The following ASIP variants were observed in gnomAD, a reference collection of about 807,000 sequenced individuals.
The protein encoded by ASIP is agouti-signaling protein.
A neutral mutation model predicts 10.3 loss-of-function variants in ASIP; 11 were observed. The observed-to-expected ratio is 1.07, with a 90% CI of 0.68 to 1.78. The LOEUF (loss-of-function observed/expected upper bound fraction) is 1.78, where lower values mean the gene tolerates loss of function less well. Among genes scored for constraint, ASIP ranks in the 40% most tolerant of loss-of-function variants. ASIP has a pLI of 0.00. For missense variants in ASIP, 180 were observed against 169.2 expected, an observed-to-expected ratio of 1.06 and a Z score of -0.35; for synonymous variants, 70 against 70.8, an observed-to-expected ratio of 0.99 and a Z score of 0.06.
intron 1 of ASIP, among the ~76,000 whole-genome samples, chr20:34,202,219 T>C (rs887062097): frequency 1.2e-4 from 18 of 152,234 alleles, no homozygotes; most frequent in Admixed American, 1.1e-3. Context: ...AATGGAAATA[T>C]TCGATACCTG....
intron 1 of ASIP, among the ~76,000 whole-genome samples, chr20:34,199,446 A>G (rs1340378291): frequency 1.3e-5 from 2 of 152,034 alleles, no homozygotes; most frequent in African/African-American, 4.8e-5. Context: ...AATGTCTGAG[A>G]TTTGTTTTTT....
upstream of ASIP, among the ~76,000 whole-genome samples, chr20:34,189,994 C>A (rs73261690): frequency 6.6e-6 from 1 of 152,172 alleles, no homozygotes; most frequent in Non-Finnish European, 1.5e-5. Flanking sequence ...GATAAGCTCC[C>A]GCTGCAGAGC....
intron 1 of ASIP, among the ~76,000 whole-genome samples, chr20:34,204,501 G>A (rs548706831): frequency 5.3e-5 from 8 of 152,278 alleles, no homozygotes; most frequent in Non-Finnish European, 1.0e-4. Context: ...TTACAGGTGT[G>A]AGCCACTGCT....
At chr20:34,238,978 G>A (rs934798680), upstream of ASIP, among the ~76,000 whole-genome samples, 1 of 152,058 alleles carries the variant, frequency 6.6e-6, no homozygotes, top group Non-Finnish European at 1.5e-5. Context: ...GTTTTGGTTA[G>A]GTAAGGAAAC....
At chr20:34,215,347 T>C in intron 1 of ASIP, 1 of 1,573,808 alleles carries the variant, frequency 6.4e-7, no homozygotes, top group Non-Finnish European at 8.7e-7. Flanking sequence ...TTCCACCAGA[T>C]TTGGAATGCA....
At chr20:34,236,036 A>G (rs1328951642) in intron 1 of ASIP, among the ~76,000 whole-genome samples, 2 of 142,440 alleles carry the variant, frequency 1.4e-5, no homozygotes, top group South Asian at 2.3e-4. Flanking sequence ...AAGAAAGAGA[A>G]AGAAACAGAA....
At chr20:34,206,716 C>T (rs1257333190) in intron 1 of ASIP, among the ~76,000 whole-genome samples, 1 of 152,118 alleles carries the variant, frequency 6.6e-6, no homozygotes, top group Non-Finnish European at 1.5e-5. Context: ...GTAGCTGGGA[C>T]TACAGGTGCA....
chr20:34,268,768 A>G (rs1370146951), intron 3 of ASIP, among the ~76,000 whole-genome samples: 1 of 150,308 alleles, frequency 6.7e-6, no homozygotes, highest in Non-Finnish European at 1.5e-5. Context: ...CAAAAAAAAC[A>G]CAAACTAGGG....
Position 34,269,207 on chromosome 20 carries a change from G to A in ASIP, c.*40G>A. 1 of 1,446,276 alleles carries A rather than the reference G, an allele frequency of 6.9e-7. No homozygotes were observed. Among genetic ancestry groups the A allele is most frequent in the Non-Finnish European group, 9.1e-7 (1 of 1,103,108 alleles). 89.6% of individuals were successfully genotyped at this position (1,446,276 alleles called of 1,614,324 possible). A position where few individuals can be genotyped will look rare whatever the true frequency, so the allele number is the denominator to read the frequency against. Reference sequence around the variant, plus strand: ...GGCCGCGAGCAGGCAGGGCTTCGGGGACGCGGGGCGCTTCTCGGGCGGGTG... The same window carrying A: ...GGCCGCGAGCAGGCAGGGCTTCGGGAACGCGGGGCGCTTCTCGGGCGGGTG... On this transcript the variant is annotated 3_prime_UTR_variant, in exon 4 of 4. Coordinates refer to ENST00000374954, the MANE Select transcript of ASIP (RefSeq NM_001672.3).
intron 1 of ASIP, among the ~76,000 whole-genome samples, chr20:34,254,610 C>G (rs1407799965): frequency 1.3e-5 from 2 of 152,150 alleles, no homozygotes; most frequent in Non-Finnish European, 2.9e-5. Context: ...ATTCATCCTG[C>G]CTATTATGAA....
intron 1 of ASIP, among the ~76,000 whole-genome samples, chr20:34,209,468 C>T (rs1222088033): frequency 1.3e-5 from 2 of 152,218 alleles, no homozygotes; most frequent in African/African-American, 4.8e-5. Context: ...CCACCCAAGT[C>T]ACAGCTGCAG....
intron 1 of ASIP, among the ~76,000 whole-genome samples, chr20:34,220,576 CA>C (rs1312152168): frequency 3.4e-5 from 5 of 148,374 alleles, no homozygotes; most frequent in African/African-American, 1.3e-4. Flanking sequence ...GCCTGGATGA[CA>C]GGGCGAGACC....
chr20:34,197,631 T>C (rs1221602665), intron 1 of ASIP, among the ~76,000 whole-genome samples: 2 of 152,214 alleles, frequency 1.3e-5, no homozygotes, highest in African/African-American at 2.4e-5. Context: ...AGCAGATACC[T>C]AGTCCTTGGC....
intron 1 of ASIP, among the ~76,000 whole-genome samples, chr20:34,200,872 T>C (rs1164462914): frequency 6.6e-6 from 1 of 152,180 alleles, no homozygotes; most frequent in African/African-American, 2.4e-5. Flanking sequence ...CTTTTACATT[T>C]GGACACATAG....
intron 1 of ASIP, chr20:34,194,824 C>T (rs2034844459): frequency 6.6e-6 from 1 of 152,210 alleles, no homozygotes; most frequent in Non-Finnish European, 1.5e-5. Context: ...TGGTACAGTA[C>T]AATATCTATG....
intron 3 of ASIP, among the ~76,000 whole-genome samples, chr20:34,266,609 G>A (rs1043507380): frequency 6.7e-6 from 1 of 148,692 alleles, no homozygotes; most frequent in Non-Finnish European, 1.5e-5. Flanking sequence ...GGAGATGAAG[G>A]TTGCAGTGAG....
At chr20:34,225,743 T>C (rs1378673266) in intron 1 of ASIP, among the ~76,000 whole-genome samples, 1 of 152,186 alleles carries the variant, frequency 6.6e-6, no homozygotes, top group Non-Finnish European at 1.5e-5. Context: ...TAAGTTCTCA[T>C]AATTGCTTGA....
chr20:34,193,042 T>C (rs2034834282), upstream of ASIP, among the ~76,000 whole-genome samples: 2 of 152,230 alleles, frequency 1.3e-5, no homozygotes, highest in African/African-American at 2.4e-5. Flanking sequence ...CACTAGATCT[T>C]ATTCCTTGTA....
intron 1 of ASIP, among the ~76,000 whole-genome samples, chr20:34,200,757 C>A (rs1034792120): frequency 6.6e-6 from 1 of 152,166 alleles, no homozygotes; most frequent in Admixed American, 6.5e-5. Context: ...AATTTTTCAG[C>A]TTTTGCCCTT....
Sources: gnomAD v4.1 joint callset for allele counts (sites outside exome capture counted in the v4.1 genomes callset) on GRCh38, gnomAD v4.1.1 for gene constraint, MANE v1.5 for transcripts, NCBI Gene and HGNC (gene_info 2026-07-23, HGNC 2026-07-21) for gene names.